SLFN12L: variants seen among roughly 807,000 people sequenced by gnomAD.
SLFN12L encodes the protein schlafen family member 12-like.
SLFN12L carries 34 observed loss-of-function variants against 34.8 expected under a neutral mutation model. The observed-to-expected ratio is 0.98, with a 90% CI of 0.74 to 1.30. SLFN12L has a LOEUF of 1.30. Among genes scored for constraint, SLFN12L ranks in the 50% most tolerant of loss-of-function variants. The pLI is 0.00. For synonymous variants in SLFN12L, 259 were observed against 247.5 expected, an observed-to-expected ratio of 1.05 and a Z score of -0.44; for missense variants, 703 against 696.2, an observed-to-expected ratio of 1.01 and a Z score of -0.11.
At chr17:35,516,683 G>A (rs1915839723) in intron 2 of SLFN12L, among the ~76,000 whole-genome samples, 1 of 152,128 alleles carries the variant, frequency 6.6e-6, no homozygotes, top group Non-Finnish European at 1.5e-5. Context: ...AGAGCCACTG[G>A]TCTAGTCTAA....
At chr17:35,532,992 A>G (rs2072426316) in intron 1 of SLFN12L, among the ~76,000 whole-genome samples, 1 of 152,250 alleles carries the variant, frequency 6.6e-6, no homozygotes, top group Non-Finnish European at 1.5e-5. Flanking sequence ...AGGCTACAAC[A>G]TTCAGTTTTA....
At chr17:35,511,323 A>G (rs1915637101) in intron 2 of SLFN12L, among the ~76,000 whole-genome samples, 1 of 152,198 alleles carries the variant, frequency 6.6e-6, no homozygotes, top group South Asian at 2.1e-4. Context: ...TCTGGTCCTC[A>G]GGTTGTTTCA....
At chr17:35,486,415 A>T (rs2142135871) in intron 2 of SLFN12L, among the ~76,000 whole-genome samples, 1 of 152,160 alleles carries the variant, frequency 6.6e-6, no homozygotes, top group Non-Finnish European at 1.5e-5. Context: ...GGGTACGCAT[A>T]CCACTGGGAA....
chr17:35,482,763 G>A (rs941855890), intron 2 of SLFN12L, among the ~76,000 whole-genome samples: 2 of 152,148 alleles, frequency 1.3e-5, no homozygotes, highest in Non-Finnish European at 2.9e-5. Context: ...ACAGATTCCT[G>A]GGTCAAAGGC....
chr17:35,524,577 C>A (rs951338586), intron 1 of SLFN12L, among the ~76,000 whole-genome samples: 1 of 152,220 alleles, frequency 6.6e-6, no homozygotes, highest in African/African-American at 2.4e-5. Flanking sequence ...GATACCCAGG[C>A]AAACGGGGTC....
intron 2 of SLFN12L, among the ~76,000 whole-genome samples, chr17:35,502,553 C>T (rs1915336336): frequency 6.6e-6 from 1 of 151,558 alleles, no homozygotes; most frequent in South Asian, 2.1e-4. Flanking sequence ...AGGAGGAACT[C>T]CCTTCAGGAC....
intron 2 of SLFN12L, among the ~76,000 whole-genome samples, chr17:35,483,849 C>T (rs577043992): frequency 1.2e-4 from 19 of 152,288 alleles, no homozygotes; most frequent in Non-Finnish European, 2.1e-4. Context: ...ACCACTATCA[C>T]GCAGATACTC....
chr17:35,467,656 A>G lies in SLFN12L; in HGVS notation c.*7267T>C, dbSNP rs1385034335. Among the ~76,000 whole-genome samples the G allele has an allele frequency of 6.6e-6, 1 of 151,160 alleles. No individual in the cohort carries two copies. The highest frequency in any genetic ancestry group is 1.5e-5 in the Non-Finnish European group (1 of 67,716). Reference sequence around the variant, plus strand: ...GGGTCTTTATCTTGCCCCAGGCCTTAACCTATTTTTATAGATTTTCAATAT... The same window carrying G: ...GGGTCTTTATCTTGCCCCAGGCCTTGACCTATTTTTATAGATTTTCAATAT... On this transcript the variant is annotated 3_prime_UTR_variant, in exon 5 of 5. Transcript: ENST00000628453.
At chr17:35,484,651 C>T (rs1234325729) in intron 2 of SLFN12L, among the ~76,000 whole-genome samples, 3 of 152,184 alleles carry the variant, frequency 2.0e-5, no homozygotes, top group Admixed American at 1.3e-4. Context: ...GTCCTAGGAC[C>T]TCATGGCTAG....
At chr17:35,531,054 G>A (rs2072406825) in intron 1 of SLFN12L, among the ~76,000 whole-genome samples, 2 of 152,042 alleles carry the variant, frequency 1.3e-5, no homozygotes, top group African/African-American at 4.8e-5. Context: ...TAAAAGTAGA[G>A]TGAATTTACA....
At chr17:35,490,639 G>A in intron 2 of SLFN12L, 2 of 893,970 alleles carry the variant, frequency 2.2e-6, no homozygotes, top group Middle Eastern at 2.2e-4. Flanking sequence ...GAAGAAATTA[G>A]ATGAACTGAT....
rs530781939 is a variant in SLFN12L, at chr17:35,522,635, C to T, written c.-271G>A. 9.2e-5 allele frequency: 149 copies of T among 1,613,268 alleles called. No homozygotes were observed. Among genetic ancestry groups the T allele is most frequent in the African/African-American group, 6.8e-4 (51 of 75,030 alleles). ...GACACTGCAGCCTCCAAAGCCTCTGCGCTGCTCTCAGGACTCAGGCAGAGG... is the reference window on the plus strand; with the variant it reads ...GACACTGCAGCCTCCAAAGCCTCTGTGCTGCTCTCAGGACTCAGGCAGAGG... On this transcript the variant is annotated 5_prime_UTR_variant, in exon 2 of 5. Coordinates refer to ENST00000628453, the MANE Select transcript of SLFN12L (RefSeq NM_001363830.2).
intron 1 of SLFN12L, among the ~76,000 whole-genome samples, chr17:35,530,542 G>GA (rs1266822417): frequency 0.047 from 487 of 10,336 alleles, 29 homozygotes; most frequent in African/African-American, 0.065. Context: ...GAAAAGAAAA[G>GA]AAAGAAAGAA....
intron 2 of SLFN12L, among the ~76,000 whole-genome samples, chr17:35,514,225 A>T (rs1394563624): frequency 6.6e-6 from 1 of 152,254 alleles, no homozygotes; most frequent in East Asian, 1.9e-4. Context: ...TAAACAAAAC[A>T]TTTCAAGACT....
chr17:35,519,284 T>C (rs561476619), intron 2 of SLFN12L, among the ~76,000 whole-genome samples: 2 of 152,220 alleles, frequency 1.3e-5, no homozygotes, highest in East Asian at 1.9e-4. Flanking sequence ...TGCAGCAAAC[T>C]ACCATGGCAC....
chr17:35,479,943 T>C lies in SLFN12L; in HGVS notation c.339A>G (p.Lys113=). 6.2e-7 allele frequency: 1 copy of C among 1,614,194 alleles called. No individual in the cohort carries two copies. The part of the protein sequence containing the change: ...AEVENKGYSY[K]KDGIGLDLEN... ...CCAAATCTAGCCCTATTCCATCTTT[T>C]TTATAACTATAGCCTTTATTCTCAA... Residue 113 remains lysine (K), a synonymous_variant, in exon 3 of 5, where the codon AAA becomes AAG. Transcript: ENST00000628453.
chr17:35,476,569 A>G (rs754535706), intron 4 of SLFN12L, among the ~76,000 whole-genome samples: 16 of 152,144 alleles, frequency 1.1e-4, no homozygotes, highest in Non-Finnish European at 2.4e-4. Context: ...GAGATTAAAG[A>G]GCTGAACATC....
At chr17:35,531,313 T>C (rs1214022468) in intron 1 of SLFN12L, among the ~76,000 whole-genome samples, 1 of 152,204 alleles carries the variant, frequency 6.6e-6, no homozygotes, top group Non-Finnish European at 1.5e-5. Context: ...TGGTGGTTGA[T>C]GCAGGTGTGA....
rs765737302 is a variant in SLFN12L, at chr17:35,474,687, C to CCG, written c.*235_*236insCG. 4 of 269,878 alleles carry CCG rather than the reference C, an allele frequency of 1.5e-5. No homozygotes were observed. The highest frequency in any genetic ancestry group is 2.6e-5 in the Non-Finnish European group (4 of 153,296). 16.7% of individuals were successfully genotyped at this position (269,878 alleles called of 1,614,324 possible). A position where few individuals can be genotyped will look rare whatever the true frequency, so the allele number is the denominator to read the frequency against. ...CTGTACTCCTAGCACTTTGGGAGAC[C>CCG]GGGGGGGGGGGTTGAATCACGAGGT... is the stretch of plus-strand genomic sequence containing the variant. On this transcript the variant is annotated 3_prime_UTR_variant, in exon 5 of 5. Transcript: ENST00000628453.
Sources: gnomAD v4.1 joint callset for allele counts (sites outside exome capture counted in the v4.1 genomes callset) on GRCh38, gnomAD v4.1.1 for gene constraint, MANE v1.5 for transcripts, NCBI Gene and HGNC (gene_info 2026-07-23, HGNC 2026-07-21) for gene names.